GDAP2: variants seen among roughly 807,000 people sequenced by gnomAD.
GDAP2 encodes the protein ganglioside-induced differentiation-associated protein 2.
GDAP2 carries 51 observed loss-of-function variants against 67.0 expected under a neutral mutation model. The ratio of observed to expected loss-of-function variants is 0.76; its 90% CI spans 0.61 to 0.96. GDAP2 has a LOEUF of 0.96. Ranked by LOEUF, GDAP2 falls within the 40% of genes least tolerant of loss-of-function variation. The probability of loss-of-function intolerance (pLI) is 0.00; values close to 1 mark genes in which losing one functional copy is unlikely to be tolerated. For synonymous variants in GDAP2, 203 were observed against 207.3 expected (o/e 0.98, Z 0.18); for missense variants, 547 against 588.3 (o/e 0.93, Z 0.73).
chr1:117,868,357 T>G lies in GDAP2; in HGVS notation c.*2212A>C, dbSNP rs1367735752. ...ATTGAATTATAAAACACAGTTGATA[T>G]GTATATAGTTCTGTATCACCTTTAT... is the stretch of plus-strand genomic sequence containing the variant. On this transcript the variant is annotated 3_prime_UTR_variant, in exon 14 of 14. Transcript: ENST00000369443. 6.6e-6 allele frequency: 1 copy of G among 152,200 alleles called. No individual in the cohort carries two copies. Among genetic ancestry groups the G allele is most frequent in the Non-Finnish European group, 1.5e-5 (1 of 68,040 alleles). The allele number at this position is 152,200 out of a possible 1,614,324, so 9.4% of individuals were successfully genotyped here.
At chr1:117,906,308 C>T (rs1031956905) in intron 6 of GDAP2, among the ~76,000 whole-genome samples, 198 bp downstream of exon 6, 3 of 152,138 alleles carry the variant, frequency 2.0e-5, no homozygotes, top group East Asian at 1.9e-4. Flanking sequence ...AAAATATGAA[C>T]GAAATGCTCC....
chr1:117,902,152 C>T (rs1649494440), intron 6 of GDAP2, among the ~76,000 whole-genome samples: 2 of 151,914 alleles, frequency 1.3e-5, no homozygotes, highest in Non-Finnish European at 2.9e-5. Context: ...TTAAACTTTT[C>T]TTTCTTTCTT....
intron 5 of GDAP2, among the ~76,000 whole-genome samples, chr1:117,907,016 T>C (rs1320088825): frequency 6.6e-6 from 1 of 152,214 alleles, no homozygotes; most frequent in African/African-American, 2.4e-5. Flanking sequence ...CTAGCACAAG[T>C]GTCTTTCCAT....
At chr1:117,909,845 C>T (rs995897287) in intron 5 of GDAP2, among the ~76,000 whole-genome samples, 2 of 152,158 alleles carry the variant, frequency 1.3e-5, no homozygotes, top group Non-Finnish European at 2.9e-5. Flanking sequence ...TAGAGTTGGA[C>T]TGGTAGAATT....
In GDAP2 at chr1:117,866,297, G is replaced by A. The variant is rs1248254358; in HGVS notation, c.*4272C>T. On this transcript the variant is annotated 3_prime_UTR_variant, in exon 14 of 14. Coordinates refer to ENST00000369443, the MANE Select transcript of GDAP2 (RefSeq NM_017686.4). ...GAGAATACAGCAAGAAGCCAGAAGAGGGCCCTCATCAGGAATTGCGCTGGA... is the reference window on the plus strand; with the variant it reads ...GAGAATACAGCAAGAAGCCAGAAGAAGGCCCTCATCAGGAATTGCGCTGGA... The A allele has an allele frequency of 6.6e-6, 1 of 152,154 alleles. No individual in the cohort carries two copies. Among genetic ancestry groups the A allele is most frequent in the Non-Finnish European group, 1.5e-5 (1 of 68,030 alleles). 9.4% of individuals were successfully genotyped at this position (152,154 alleles called of 1,614,324 possible). A position where few individuals can be genotyped will look rare whatever the true frequency, so the allele number is the denominator to read the frequency against.
intron 3 of GDAP2, among the ~76,000 whole-genome samples, chr1:117,915,235 A>C (rs1187371423): frequency 6.6e-6 from 1 of 152,244 alleles, no homozygotes; most frequent in Non-Finnish European, 1.5e-5. Flanking sequence ...CATAATGTCA[A>C]GTTTATAGGA....
At chr1:117,900,598 T>C (rs1649418298) in intron 6 of GDAP2, among the ~76,000 whole-genome samples, 1 of 151,958 alleles carries the variant, frequency 6.6e-6, no homozygotes, top group Non-Finnish European at 1.5e-5. Context: ...AAACCCCGTC[T>C]CTACTAAAAT....
chr1:117,903,749 G>A (rs79963954), intron 6 of GDAP2, among the ~76,000 whole-genome samples: 1,632 of 152,182 alleles, frequency 0.011, 32 homozygotes, highest in South Asian at 0.091. Flanking sequence ...TAACTTTACT[G>A]GACAGAGTTG....
In GDAP2 at chr1:117,906,519, G is replaced by C. The variant is rs763353709; in HGVS notation, c.623C>G (p.Ser208Cys). 12 of 1,552,540 alleles carry C rather than the reference G, an allele frequency of 7.7e-6. No individual in the cohort carries two copies. The highest frequency in any genetic ancestry group is 2.2e-5 in the East Asian group (1 of 44,478). ...TTAGCAAAATACCTCTTCAAGATCA[G>C]AGACAGCAAATACTACTTTTTCAAT... Reference protein sequence around the residue: ...ETIEKVVFAVSDLEEGTYQKL... With the variant: ...ETIEKVVFAVCDLEEGTYQKL... Residue 208 changes from serine (S) to cysteine (C), a missense_variant, in exon 6 of 14, where the codon TCT becomes TGT. Coordinates refer to ENST00000369443, the MANE Select transcript of GDAP2 (RefSeq NM_017686.4).
chr1:117,877,935 GTGCTCGTA>G, intron 13 of GDAP2, 66 bp downstream of exon 13: 1 of 1,512,982 alleles, frequency 6.6e-7, no homozygotes, highest in Non-Finnish European at 8.9e-7. Context: ...ACAGGATGTT[GTGCTCGTA>G]AGTGCTGCTC....
rs536224467 is a variant in GDAP2 at position 117,879,073 on chromosome 1, T to C, written c.1303-921A>G. 1.8e-3 allele frequency among the ~76,000 whole-genome samples: 270 copies of C among 152,294 alleles called. 2 individuals are homozygous for C. Among genetic ancestry groups the C allele is most frequent in the Non-Finnish European group, 1.9e-3 (128 of 68,026 alleles). On this transcript the variant is annotated intron_variant, in intron 12 of 13. Transcript: ENST00000369443. ...GCATGCCTGAAGGTTCTTGGAGCAGTGCAATATTGGAGGCAGGACAACATG... is the reference window on the plus strand; with the variant it reads ...GCATGCCTGAAGGTTCTTGGAGCAGCGCAATATTGGAGGCAGGACAACATG...
At position 117,906,601 on chromosome 1, in the gene GDAP2, A is replaced by C; in HGVS notation, c.560-19T>G. The C allele has an allele frequency of 7.9e-7, 1 of 1,265,056 alleles. No homozygotes were observed. Among genetic ancestry groups the C allele is most frequent in the Non-Finnish European group, 1.1e-6 (1 of 886,386 alleles). 78.4% of individuals were successfully genotyped at this position (1,265,056 alleles called of 1,614,324 possible). On this transcript the variant is annotated intron_variant, in intron 5 of 13. Coordinates refer to ENST00000369443, the MANE Select transcript of GDAP2 (RefSeq NM_017686.4). ...ACAGTGCCTAAGGAAAAGAATAGAAAGATTACTCAATAAATAAAAAATTAC... is the reference window on the plus strand; with the variant it reads ...ACAGTGCCTAAGGAAAAGAATAGAACGATTACTCAATAAATAAAAAATTAC...
At chr1:117,897,623 T>C (rs1441347566) in intron 7 of GDAP2, among the ~76,000 whole-genome samples, 2 of 152,244 alleles carry the variant, frequency 1.3e-5, no homozygotes, top group African/African-American at 4.8e-5. Flanking sequence ...TGAGTTGGAT[T>C]AGTAGAAATC....
intron 8 of GDAP2, among the ~76,000 whole-genome samples, chr1:117,895,543 C>T (rs1649234171): frequency 6.6e-6 from 1 of 152,034 alleles, no homozygotes; most frequent in Non-Finnish European, 1.5e-5. Flanking sequence ...AAAGGAGACT[C>T]GATACTAAAG....
Position 117,869,274 on chromosome 1 carries a change from C to T in GDAP2, c.*1295G>A, listed in dbSNP as rs1395014267. Reference sequence around the variant, plus strand: ...ATTCAAGAAGAAATGTTTAAAATGGCCAACAGATGCCTCTTATTGAAGTAT... The same window carrying T: ...ATTCAAGAAGAAATGTTTAAAATGGTCAACAGATGCCTCTTATTGAAGTAT... On this transcript the variant is annotated 3_prime_UTR_variant, in exon 14 of 14. Coordinates refer to ENST00000369443, the MANE Select transcript of GDAP2 (RefSeq NM_017686.4). 1 of 151,970 alleles carries T rather than the reference C, an allele frequency of 6.6e-6. No individual in the cohort carries two copies. Among genetic ancestry groups the T allele is most frequent in the Non-Finnish European group, 1.5e-5 (1 of 67,998 alleles). The allele number at this position is 151,970 out of a possible 1,614,324, so 9.4% of individuals were successfully genotyped here. A position where few individuals can be genotyped will look rare whatever the true frequency, so the allele number is the denominator to read the frequency against.
At chr1:117,905,870 T>G (rs1022964178) in intron 6 of GDAP2, among the ~76,000 whole-genome samples, 1 of 152,136 alleles carries the variant, frequency 6.6e-6, no homozygotes, top group East Asian at 1.9e-4. Context: ...TACGAATGTA[T>G]TAGCTTATTT....
intron 12 of GDAP2, among the ~76,000 whole-genome samples, chr1:117,880,350 A>G (rs1181526223): frequency 6.6e-6 from 1 of 152,154 alleles, no homozygotes; most frequent in Non-Finnish European, 1.5e-5. Flanking sequence ...TGCAGGTAAC[A>G]GAGAGAGAGA....
chr1:117,912,705 A>G lies in GDAP2; in HGVS notation c.317-22T>C, dbSNP rs201909686. 2.4e-5 allele frequency: 38 copies of G among 1,601,800 alleles called. 1 individual carries two copies. The South Asian group carries it at 3.0e-4, about 13-fold the overall frequency. On this transcript the variant is annotated intron_variant, in intron 3 of 13. Transcript: ENST00000369443. The stretch of plus-strand genomic sequence containing the variant: ...CACCCTGAAAACAATGGAAACACAC[A>G]TAAGTTTGGATGTGTTAGGAAAACA...
intron 12 of GDAP2, among the ~76,000 whole-genome samples, 182 bp downstream of exon 12, chr1:117,881,641 C>T (rs952031697): frequency 1.7e-4 from 26 of 152,100 alleles, no homozygotes; most frequent in Admixed American, 1.7e-3. Flanking sequence ...GGGTTGCCCA[C>T]AAAGGCGCTG....
Sources: gnomAD v4.1 joint callset for allele counts (sites outside exome capture counted in the v4.1 genomes callset) on GRCh38, gnomAD v4.1.1 for gene constraint, MANE v1.5 for transcripts, NCBI Gene and HGNC (gene_info 2026-07-23, HGNC 2026-07-21) for gene names.